FAM184A: variants seen among roughly 807,000 people sequenced by gnomAD.
The protein encoded by FAM184A is protein FAM184A.
Under a neutral mutation model 143.8 loss-of-function variants are expected in FAM184A, and 99 were observed. The observed-to-expected ratio is 0.69, with a 90% CI of 0.58 to 0.81. The LOEUF is 0.81. FAM184A is among the 40% of genes least tolerant of loss of function. The probability of loss-of-function intolerance (pLI) is 0.00; values close to 1 mark genes in which losing one functional copy is unlikely to be tolerated. For missense variants in FAM184A, 1,217 were observed against 1,310.5 expected, an observed-to-expected ratio of 0.93 and a Z score of 1.10; for synonymous variants, 427 against 446.4, an observed-to-expected ratio of 0.96 and a Z score of 0.55.
intron 2 of FAM184A, among the ~76,000 whole-genome samples, chr6:119,023,563 C>A (rs77516478): frequency 0.021 from 2,275 of 109,736 alleles, 193 homozygotes; most frequent in African/African-American, 0.069. Context: ...CCGCCCCCCC[C>A]CCCAGGAACA....
At chr6:119,064,849 C>T (rs1787384704) in intron 1 of FAM184A, among the ~76,000 whole-genome samples, 1 of 152,156 alleles carries the variant, frequency 6.6e-6, no homozygotes, top group East Asian at 1.9e-4. Context: ...ATGTTTTCTA[C>T]TCTGCTTAAG....
At chr6:118,986,444 G>A (rs928259945) in intron 9 of FAM184A, among the ~76,000 whole-genome samples, 3 of 152,188 alleles carry the variant, frequency 2.0e-5, no homozygotes, top group Admixed American at 1.3e-4. Context: ...ATGGAAAGCT[G>A]GGGTACACAC....
intron 9 of FAM184A, among the ~76,000 whole-genome samples, chr6:119,002,598 T>C (rs1784798227): frequency 6.6e-6 from 1 of 152,156 alleles, no homozygotes; most frequent in Non-Finnish European, 1.5e-5. Flanking sequence ...AAAAAGATTT[T>C]ATGCTTTCAA....
intron 1 of FAM184A, among the ~76,000 whole-genome samples, chr6:119,144,726 C>T (rs1375727841): frequency 1.3e-5 from 2 of 152,234 alleles, no homozygotes; most frequent in Non-Finnish European, 1.5e-5. Context: ...CAAAAGCATG[C>T]TGCTTAGTAG....
In FAM184A at chr6:118,966,851, A is replaced by C. The variant is rs776233601; in HGVS notation, c.3017T>G (p.Ile1006Ser). 6.4e-7 allele frequency: 1 copy of C among 1,573,570 alleles called. No individual in the cohort carries two copies. The highest frequency in any genetic ancestry group is 8.7e-7 in the Non-Finnish European group (1 of 1,148,274). ...LKAMLTERDQ[I>S]IKKLIEDNKF... ...ATATCTTACAATTAGTTTCTTTATG[A>C]TCTGGTCTCTTTCTGTAAGCATGGC... is the stretch of plus-strand genomic sequence containing the variant. Residue 1006 changes from isoleucine (I) to serine (S), a missense_variant, in exon 15 of 18, where the codon ATC (isoleucine) becomes AGC (serine). Transcript: ENST00000338891.
intron 1 of FAM184A, chr6:119,025,665 C>T: frequency 1.9e-6 from 1 of 514,854 alleles, no homozygotes; most frequent in South Asian, 1.4e-5. Flanking sequence ...TGCCATCCAT[C>T]ATGCCACTGT....
At chr6:119,064,270 G>GCAGTTCTT (rs756890731) in intron 1 of FAM184A, among the ~76,000 whole-genome samples, 6 of 152,112 alleles carry the variant, frequency 3.9e-5, no homozygotes, top group Admixed American at 6.5e-5. Flanking sequence ...CTCTTAAAAT[G>GCAGTTCTT]CAGTTCTTCA....
At chr6:118,997,807 C>A (rs1185144594) in intron 9 of FAM184A, among the ~76,000 whole-genome samples, 1 of 152,080 alleles carries the variant, frequency 6.6e-6, no homozygotes, top group East Asian at 1.9e-4. Flanking sequence ...TTAACTGAAA[C>A]ATGAATGTGA....
At chr6:119,147,164 T>G (rs1772473896) in intron 1 of FAM184A, among the ~76,000 whole-genome samples, 1 of 151,272 alleles carries the variant, frequency 6.6e-6, no homozygotes, top group South Asian at 2.1e-4. Context: ...CTCTTTCTCC[T>G]GAATCTGAAG....
In FAM184A at chr6:118,975,096, G is replaced by T; in HGVS notation, c.2696C>A (p.Ala899Asp). 6.2e-7 allele frequency: 1 copy of T among 1,612,870 alleles called. No individual in the cohort carries two copies. The part of the protein sequence containing the change: ...EVQHLHENIS[A>D]LTKELEFKGK... ...CTTAAATTCCAGTTCTTTGGTTAGGGCACTTATATTCTCATGAAGGTGCTG... is the reference window on the plus strand; with the variant it reads ...CTTAAATTCCAGTTCTTTGGTTAGGTCACTTATATTCTCATGAAGGTGCTG... Residue 899 changes from alanine to aspartate, a missense_variant, in exon 13 of 18, where the codon GCC becomes GAC. Coordinates refer to ENST00000338891, the MANE Select transcript of FAM184A (RefSeq NM_024581.6).
intron 3 of FAM184A, among the ~76,000 whole-genome samples, chr6:119,021,546 G>C (rs950011791): frequency 6.6e-6 from 1 of 152,058 alleles, no homozygotes; most frequent in African/African-American, 2.4e-5. Context: ...AAGTTAGCCC[G>C]TGGCATACCT....
At chr6:119,112,161 C>T (rs978701534) in intron 1 of FAM184A, among the ~76,000 whole-genome samples, 2 of 149,014 alleles carry the variant, frequency 1.3e-5, no homozygotes, top group Non-Finnish European at 3.0e-5. Flanking sequence ...GGTGTAGTTT[C>T]ACTCTTGTTG....
At chr6:119,076,565 C>T (rs1002286646) in intron 1 of FAM184A, among the ~76,000 whole-genome samples, 3 of 152,166 alleles carry the variant, frequency 2.0e-5, no homozygotes, top group African/African-American at 7.2e-5. Context: ...AAAAAATGTA[C>T]TGAAGAGCAA....
intron 1 of FAM184A, among the ~76,000 whole-genome samples, chr6:119,037,061 A>T (rs1465654700): frequency 6.6e-6 from 1 of 152,204 alleles, no homozygotes; most frequent in Non-Finnish European, 1.5e-5. Context: ...ATGGAATGTC[A>T]GTTAAAGTTA....
At chr6:119,132,084 T>A (rs1284773389) in intron 1 of FAM184A, among the ~76,000 whole-genome samples, 5 of 152,250 alleles carry the variant, frequency 3.3e-5, no homozygotes, top group African/African-American at 9.6e-5. Flanking sequence ...ATGCCTCATT[T>A]TAAGAGTAAA....
intron 1 of FAM184A, among the ~76,000 whole-genome samples, chr6:119,108,980 A>T (rs977264978): frequency 6.6e-6 from 1 of 151,706 alleles, no homozygotes; most frequent in African/African-American, 2.4e-5. Context: ...TCTTCCTTTC[A>T]TGCCACAAAC....
chr6:119,121,744 T>A (rs928471345), intron 1 of FAM184A, among the ~76,000 whole-genome samples: 6 of 152,212 alleles, frequency 3.9e-5, no homozygotes, highest in Non-Finnish European at 7.3e-5. Flanking sequence ...TTTAGGAGGC[T>A]AAGTGGTTTG....
chr6:119,024,515 G>T lies in FAM184A; in HGVS notation c.458C>A (p.Thr153Asn), dbSNP rs1785563712. 6.2e-7 allele frequency: 1 copy of T among 1,613,660 alleles called. No individual in the cohort carries two copies. The highest frequency in any genetic ancestry group is 1.7e-5 in the Admixed American group (1 of 59,912). Reference sequence around the variant, plus strand: ...AATCTCTTCGACTTCTCTAGACATGGTCACTATGCGTTGGACATGCTGGGC... The same window carrying T: ...AATCTCTTCGACTTCTCTAGACATGTTCACTATGCGTTGGACATGCTGGGC... The part of the protein sequence containing the change: ...AEAQHVQRIV[T>N]MSREVEEIRR... Residue 153 changes from threonine (T) to asparagine (N), a missense_variant, in exon 2 of 18, where the codon ACC (threonine) becomes AAC (asparagine). Thr to Asn is a moderately conservative substitution (Grantham distance 65). Coordinates refer to ENST00000338891, the MANE Select transcript of FAM184A (RefSeq NM_024581.6).
At chr6:119,040,490 G>A (rs1469611245) in intron 1 of FAM184A, among the ~76,000 whole-genome samples, 6 of 152,140 alleles carry the variant, frequency 3.9e-5, no homozygotes, top group Non-Finnish European at 8.8e-5. Context: ...TCACCTTGCC[G>A]GGTGGCTTGC....
Sources: gnomAD v4.1 joint callset for allele counts (sites outside exome capture counted in the v4.1 genomes callset) on GRCh38, gnomAD v4.1.1 for gene constraint, MANE v1.5 for transcripts, NCBI Gene and HGNC (gene_info 2026-07-23, HGNC 2026-07-21) for gene names.